DPH7: variants seen among roughly 807,000 people sequenced by gnomAD.
DPH7 encodes the protein diphthine methyltransferase.
Under a neutral mutation model 41.7 loss-of-function variants are expected in DPH7, and 44 were observed. The ratio of observed to expected loss-of-function variants is 1.05; its 90% CI spans 0.83 to 1.36. The LOEUF (loss-of-function observed/expected upper bound fraction) is 1.36, where lower values mean the gene tolerates loss of function less well. DPH7 is among the 40% of genes most tolerant of loss of function. The pLI, the probability that DPH7 is intolerant of heterozygous loss-of-function variation, is 0.00. For synonymous variants in DPH7, 275 were observed against 238.0 expected, an observed-to-expected ratio of 1.16 and a Z score of -1.43; for missense variants, 629 against 577.5, an observed-to-expected ratio of 1.09 and a Z score of -0.91.
At position 137,577,623 on chromosome 9, in the gene DPH7, A is replaced by T; in HGVS notation, c.154-20T>A. On this transcript the variant is annotated intron_variant, in intron 1 of 8. Transcript: ENST00000277540. ...TCCACCCTACAAAAAATGCAGAGGT[A>T]GTCTCTGATTATCCCAAGACACGAA... The T allele has an allele frequency of 1.2e-6, 2 of 1,610,580 alleles. No homozygotes were observed. Among genetic ancestry groups the T allele is most frequent in the Non-Finnish European group, 1.7e-6 (2 of 1,178,120 alleles).
chr9:137,561,021 C>CAAAA (rs869251490), intron 8 of DPH7, among the ~76,000 whole-genome samples: 4 of 80,670 alleles, frequency 5.0e-5, no homozygotes, highest in Non-Finnish European at 7.4e-5. Flanking sequence ...GACCCCATCT[C>CAAAA]AAAAAAAAAA....
At position 137,556,773 on chromosome 9, in the gene DPH7, T is replaced by C. The variant is rs182783037; in HGVS notation, c.950-1125A>G. Reference sequence around the variant, plus strand: ...CCTCCGCTAGTCTTTCATCCAGCAATCGCTCAACACGTCCACTCGGGCCAG... The same window carrying C: ...CCTCCGCTAGTCTTTCATCCAGCAACCGCTCAACACGTCCACTCGGGCCAG... On this transcript the variant is annotated intron_variant, in intron 8 of 8. Coordinates refer to ENST00000277540, the MANE Select transcript of DPH7 (RefSeq NM_138778.5). This position sits in a 1 kb window ranked among gnomAD's most constrained non-coding sequence, Gnocchi z 5.2. 1.1e-4 allele frequency: 49 copies of C among 455,636 alleles called. No individual in the cohort carries two copies. The Admixed American group carries it at 1.1e-3, about 11-fold the overall frequency. 28.2% of individuals were successfully genotyped at this position (455,636 alleles called of 1,614,324 possible).
chr9:137,576,620 G>A (rs567942731), intron 2 of DPH7, among the ~76,000 whole-genome samples: 16 of 152,296 alleles, frequency 1.1e-4, no homozygotes, highest in African/African-American at 7.2e-5. Context: ...GCCAGGCGTC[G>A]TGGCTCACGC....
At chr9:137,564,122 T>A (rs1588849746) in intron 8 of DPH7, among the ~76,000 whole-genome samples, 1 of 152,076 alleles carries the variant, frequency 6.6e-6, no homozygotes, top group Non-Finnish European at 1.5e-5. Context: ...AGGATGGTTA[T>A]GGGAGTGATG....
intron 8 of DPH7, among the ~76,000 whole-genome samples, chr9:137,557,136 C>T (rs1362543369): frequency 2.0e-5 from 3 of 152,144 alleles, no homozygotes; most frequent in Admixed American, 6.6e-5. Flanking sequence ...CTTGAACTCC[C>T]GGCTCAAGCA....
chr9:137,565,105 T>C lies in DPH7; in HGVS notation c.690A>G (p.Lys230=), dbSNP rs1564432610. The C allele has an allele frequency of 6.2e-7, 1 of 1,613,966 alleles. No individual in the cohort carries two copies. The highest frequency in any genetic ancestry group is 1.3e-5 in the African/African-American group (1 of 75,038). ...GTTACCTTTTGCTGGTGAAGAGAAA[T>C]TTGCCGGGTACCCTGGTGTCCCAGC... ...LRGWDTRVPG[K]FLFTSKRHTM... is the part of the protein sequence containing the mutation. Residue 230 remains lysine, a synonymous_variant, in exon 6 of 9, where the codon AAA becomes AAG. Coordinates refer to ENST00000277540, the MANE Select transcript of DPH7 (RefSeq NM_138778.5).
chr9:137,572,409 G>A (rs1840594832), intron 5 of DPH7, among the ~76,000 whole-genome samples: 1 of 152,166 alleles, frequency 6.6e-6, no homozygotes, highest in South Asian at 2.1e-4. Flanking sequence ...GGAACTGTGA[G>A]GGGTTCTAAC....
chr9:137,575,407 G>C lies in DPH7; in HGVS notation c.376-564C>G, dbSNP rs541984727. On this transcript the variant is annotated intron_variant, in intron 3 of 8. Coordinates refer to ENST00000277540, the MANE Select transcript of DPH7 (RefSeq NM_138778.5). Reference sequence around the variant, plus strand: ...GGCTGCTGTACCAAAGCCCTTTCCTGGGTTCATGCACTCCTCCCTTGGGCC... The same window carrying C: ...GGCTGCTGTACCAAAGCCCTTTCCTCGGTTCATGCACTCCTCCCTTGGGCC... The C allele has an allele frequency of 1.6e-5, 16 of 988,238 alleles. No homozygotes were observed. In the South Asian group the frequency reaches 7.4e-4, roughly 46 times the overall value. 61.2% of individuals were successfully genotyped at this position (988,238 alleles called of 1,614,324 possible).
intron 5 of DPH7, among the ~76,000 whole-genome samples, chr9:137,572,685 G>A (rs1840648462): frequency 3.3e-5 from 5 of 152,202 alleles, no homozygotes; most frequent in Non-Finnish European, 5.9e-5. Context: ...CTGGGAAAGA[G>A]ATGCTAGCCA....
rs903314991 is a variant in DPH7 at position 137,554,502 on chromosome 9, G to A, written c.*737C>T. 3.3e-5 allele frequency among the ~76,000 whole-genome samples: 5 copies of A among 152,044 alleles called. No homozygotes were observed. The highest frequency in any genetic ancestry group is 2.9e-5 in the Non-Finnish European group (2 of 68,006). On this transcript the variant is annotated 3_prime_UTR_variant, in exon 9 of 9. Coordinates refer to ENST00000277540, the MANE Select transcript of DPH7 (RefSeq NM_138778.5). Reference sequence around the variant, plus strand: ...TTAGAGATAAGAGTCTTGCTCTGTTGCCCCTGGCTCATTGCAGCCTCGACC... The same window carrying A: ...TTAGAGATAAGAGTCTTGCTCTGTTACCCCTGGCTCATTGCAGCCTCGACC...
intron 7 of DPH7, 61 bp from the exon 8 acceptor site, chr9:137,564,667 GC>G: frequency 6.4e-7 from 1 of 1,572,206 alleles, no homozygotes; most frequent in Non-Finnish European, 8.7e-7. Flanking sequence ...GTTCCACAAG[GC>G]CCCTGGGGGG....
At chr9:137,569,885 T>TCCAC (rs1840116273) in intron 5 of DPH7, among the ~76,000 whole-genome samples, 1 of 115,376 alleles carries the variant, frequency 8.7e-6, no homozygotes, top group Non-Finnish European at 1.8e-5. Context: ...CATCCATCCA[T>TCCAC]CCACACGCCC....
intron 1 of DPH7, 71 bp downstream of exon 1, chr9:137,578,554 T>C: frequency 7.2e-7 from 1 of 1,385,884 alleles, no homozygotes; most frequent in Non-Finnish European, 9.3e-7. Flanking sequence ...TCCTGGGCGA[T>C]TCGGTGCGCC....
chr9:137,574,252 C>T lies in DPH7; in HGVS notation c.596G>A (p.Trp199Ter). 1.2e-6 allele frequency: 2 copies of T among 1,614,078 alleles called. No individual in the cohort carries two copies. Among genetic ancestry groups the T allele is most frequent in the Non-Finnish European group, 1.7e-6 (2 of 1,180,028 alleles). Residue 199 changes from tryptophan to a stop codon, truncating the protein, a stop_gained, in exon 5 of 9, where the codon TGG becomes TAG. Coordinates refer to ENST00000277540, the MANE Select transcript of DPH7 (RefSeq NM_138778.5). LOFTEE classifies it high-confidence loss of function. ...ASWQAHQFEA[W>*]IAAFNYWHPE... ...ATGCCAGTAATTGAAAGCAGCAATC[C>T]AGGCCTCGAATTGATGTGCCTGCCA... is the stretch of plus-strand genomic sequence containing the variant.
chr9:137,555,710 G>T, intron 8 of DPH7, 62 bp from the exon 9 acceptor site: 1 of 1,504,406 alleles, frequency 6.6e-7, no homozygotes, highest in Middle Eastern at 1.8e-4. Context: ...TCCCCAACCT[G>T]TCACACCTGA....
chr9:137,570,649 C>T (rs1840274384), intron 5 of DPH7, among the ~76,000 whole-genome samples: 2 of 152,222 alleles, frequency 1.3e-5, no homozygotes, highest in Non-Finnish European at 2.9e-5. Flanking sequence ...CAAAGTCCTT[C>T]CTGGAGCCTG....
chr9:137,574,632 G>A, intron 4 of DPH7, 120 bp downstream of exon 4: 4 of 982,026 alleles, frequency 4.1e-6, no homozygotes, highest in Non-Finnish European at 6.2e-6. Context: ...TGGCAGTGAT[G>A]ATGTCAGGGC....
At chr9:137,564,128 T>G (rs866885763) in intron 8 of DPH7, among the ~76,000 whole-genome samples, 142 of 150,842 alleles carry the variant, frequency 9.4e-4, no homozygotes, top group African/African-American at 3.4e-3. Context: ...GTTATGGGAG[T>G]GATGGGTGGC....
In DPH7 at chr9:137,577,469, C is replaced by G. The variant is rs1484992698; in HGVS notation, c.287+1G>C. 3 of 1,613,844 alleles carry G rather than the reference C, an allele frequency of 1.9e-6. No homozygotes were observed. Among genetic ancestry groups the G allele is most frequent in the Admixed American group, 3.3e-5 (2 of 59,990 alleles). ...ACCCAGTGGGATTATCACAGTTATA[C>G]CATTTCATGTCCAGGATTGCAGAAG... is the stretch of plus-strand genomic sequence containing the variant. On this transcript the variant is annotated splice_donor_variant, in intron 2 of 8. Coordinates refer to ENST00000277540, the MANE Select transcript of DPH7 (RefSeq NM_138778.5). LOFTEE classifies it high-confidence loss of function.
Sources: gnomAD v4.1 joint callset for allele counts (sites outside exome capture counted in the v4.1 genomes callset) on GRCh38, gnomAD v4.1.1 for gene constraint, Gnocchi (gnomAD v3.1) non-coding constraint, MANE v1.5 for transcripts, NCBI Gene and HGNC (gene_info 2026-07-23, HGNC 2026-07-21) for gene names.